PTPN4: variants seen among roughly 807,000 people sequenced by gnomAD.
PTPN4 encodes protein tyrosine phosphatase non-receptor type 4.
In PTPN4, 49 loss-of-function variants were observed where a neutral mutation model predicts 135.5. The observed-to-expected ratio is 0.36, with a 90% CI of 0.29 to 0.46. The LOEUF (loss-of-function observed/expected upper bound fraction) is 0.46, where lower values mean the gene tolerates loss of function less well. Among genes scored for constraint, PTPN4 ranks in the 20% least tolerant of loss-of-function variants. PTPN4 has a pLI of 1.00. For synonymous variants in PTPN4, 333 were observed against 369.9 expected, an observed-to-expected ratio of 0.90 and a Z score of 1.14; for missense variants, 860 against 1,101.0, an observed-to-expected ratio of 0.78 and a Z score of 3.10.
At chr2:119,928,875 G>C (rs981817400) in intron 13 of PTPN4, among the ~76,000 whole-genome samples, 18 of 152,122 alleles carry the variant, frequency 1.2e-4, no homozygotes, top group African/African-American at 4.1e-4. Flanking sequence ...TATGTATTAA[G>C]TTAATATCAC....
intron 2 of PTPN4, among the ~76,000 whole-genome samples, chr2:119,843,484 C>T (rs1330837598): frequency 2.3e-4 from 28 of 123,622 alleles, no homozygotes; most frequent in East Asian, 4.6e-4. Flanking sequence ...CATCCTGGCC[C>T]GTTCTCAATG....
intron 1 of PTPN4, among the ~76,000 whole-genome samples, chr2:119,773,793 A>G (rs1281630760): frequency 6.6e-6 from 1 of 152,032 alleles, no homozygotes; most frequent in Non-Finnish European, 1.5e-5. Flanking sequence ...CATAAAATAT[A>G]TATAGATACT....
chr2:119,917,501 AG>A (rs1678670551), intron 11 of PTPN4, among the ~76,000 whole-genome samples: 1 of 152,164 alleles, frequency 6.6e-6, no homozygotes, highest in African/African-American at 2.4e-5. Context: ...TGGGAGGCTG[AG>A]GTGGGTGGAT....
At chr2:119,967,321 C>T (rs2105062736) in intron 25 of PTPN4, among the ~76,000 whole-genome samples, 1 of 152,028 alleles carries the variant, frequency 6.6e-6, no homozygotes, top group African/African-American at 2.4e-5. Flanking sequence ...TGGTGGTGCA[C>T]GTCTGTAATC....
At chr2:119,898,523 G>T (rs920026578) in intron 9 of PTPN4, among the ~76,000 whole-genome samples, 2 of 152,036 alleles carry the variant, frequency 1.3e-5, no homozygotes, top group Non-Finnish European at 2.9e-5. Flanking sequence ...AAGAGTACAA[G>T]GTACTTTTTT....
intron 12 of PTPN4, among the ~76,000 whole-genome samples, chr2:119,920,920 A>C (rs1420131368): frequency 6.6e-6 from 1 of 152,218 alleles, no homozygotes; most frequent in Non-Finnish European, 1.5e-5. Context: ...ATTATCTTTT[A>C]GTAAAACAAA....
chr2:119,770,569 T>A (rs1690715165), intron 1 of PTPN4, among the ~76,000 whole-genome samples: 1 of 152,198 alleles, frequency 6.6e-6, no homozygotes, highest in African/African-American at 2.4e-5. Flanking sequence ...CTACCTTTTT[T>A]ATGTAGAAGG....
In PTPN4 at chr2:119,827,920, G is replaced by A. The variant is rs557396724; in HGVS notation, c.138+17929G>A. On this transcript the variant is annotated intron_variant, in intron 2 of 26. Coordinates refer to ENST00000263708, the MANE Select transcript of PTPN4 (RefSeq NM_002830.4). The stretch of plus-strand genomic sequence containing the variant: ...AGTGTCAATAGATGGCCCCCTACAC[G>A]TACACTTGATACTCACACCGTTGTA... Among the ~76,000 whole-genome samples the A allele has an allele frequency of 3.3e-5, 5 of 152,228 alleles. No homozygotes were observed. In the East Asian group the frequency reaches 5.8e-4, roughly 18 times the overall value.
At chr2:119,821,497 G>A (rs1368454431) in intron 2 of PTPN4, among the ~76,000 whole-genome samples, 1 of 151,856 alleles carries the variant, frequency 6.6e-6, no homozygotes, top group African/African-American at 2.4e-5. Context: ...TGAATGTGCA[G>A]ACATTTCCTT....
At chr2:119,890,892 T>C (rs1678230449) in intron 9 of PTPN4, among the ~76,000 whole-genome samples, 1 of 152,212 alleles carries the variant, frequency 6.6e-6, no homozygotes. Flanking sequence ...GTTTTTTCTT[T>C]CAGCACTTTC....
At chr2:119,924,560 A>G (rs1678792091) in intron 12 of PTPN4, among the ~76,000 whole-genome samples, 1 of 152,138 alleles carries the variant, frequency 6.6e-6, no homozygotes, top group African/African-American at 2.4e-5. Flanking sequence ...AGAAAGAGAG[A>G]GAACTTTCTC....
intron 13 of PTPN4, among the ~76,000 whole-genome samples, chr2:119,930,420 G>C (rs1296407197): frequency 6.6e-6 from 1 of 152,064 alleles, no homozygotes; most frequent in African/African-American, 2.4e-5. Context: ...AAAATTAATA[G>C]GCTAAAATAT....
At chr2:119,909,117 G>C (rs1678531552) in intron 10 of PTPN4, among the ~76,000 whole-genome samples, 1 of 152,166 alleles carries the variant, frequency 6.6e-6, no homozygotes, top group Admixed American at 6.6e-5. Context: ...AGGTTATACA[G>C]AATATCTAGC....
At chr2:119,908,789 A>G (rs1461014658) in intron 10 of PTPN4, among the ~76,000 whole-genome samples, 1 of 152,182 alleles carries the variant, frequency 6.6e-6, no homozygotes, top group African/African-American at 2.4e-5. Flanking sequence ...TCTTGCACCA[A>G]TTAGCCAAAT....
intron 9 of PTPN4, among the ~76,000 whole-genome samples, chr2:119,888,126 A>G (rs1295146989): frequency 1.3e-5 from 2 of 152,162 alleles, no homozygotes; most frequent in Admixed American, 6.6e-5. Context: ...TAGCTATTGT[A>G]AATGGGATTG....
intron 13 of PTPN4, among the ~76,000 whole-genome samples, chr2:119,927,860 G>T (rs1273528922): frequency 6.6e-6 from 1 of 152,030 alleles, no homozygotes; most frequent in Non-Finnish European, 1.5e-5. Context: ...TTCCTTCTTT[G>T]TGTTTCTGGA....
chr2:119,760,269 C>G lies in PTPN4; in HGVS notation c.-133C>G. The G allele has an allele frequency of 2.5e-6, 1 of 396,230 alleles. No individual in the cohort carries two copies. Among genetic ancestry groups the G allele is most frequent in the Non-Finnish European group, 4.5e-6 (1 of 224,524 alleles). The allele number at this position is 396,230 out of a possible 1,614,324, so 24.5% of individuals were successfully genotyped here. A position where few individuals can be genotyped will look rare whatever the true frequency, so the allele number is the denominator to read the frequency against. On this transcript the variant is annotated 5_prime_UTR_variant, in exon 1 of 27. Transcript: ENST00000263708. ...CGCGACCGCTGCGGCGGCGGCTGCT[C>G]GGGGGGCGCTGAGGTAGCCCCCCGG... is the stretch of plus-strand genomic sequence containing the variant.
At chr2:119,974,420 G>T (rs575833246) in intron 26 of PTPN4, among the ~76,000 whole-genome samples, 2 of 152,086 alleles carry the variant, frequency 1.3e-5, no homozygotes, top group East Asian at 3.9e-4. Flanking sequence ...TGTTGGTCAG[G>T]CTGATCTTGA....
intron 2 of PTPN4, among the ~76,000 whole-genome samples, chr2:119,823,070 T>C (rs749733044): frequency 6.6e-6 from 1 of 152,204 alleles, no homozygotes; most frequent in Non-Finnish European, 1.5e-5. Context: ...CTTTATTCTT[T>C]TACTGTAACT....
Sources: gnomAD v4.1 joint callset for allele counts (sites outside exome capture counted in the v4.1 genomes callset) on GRCh38, gnomAD v4.1.1 for gene constraint, MANE v1.5 for transcripts, NCBI Gene and HGNC (gene_info 2026-07-23, HGNC 2026-07-21) for gene names.